The following WDFY2 variants were observed in gnomAD, a reference collection of about 807,000 sequenced individuals.
WDFY2 encodes the protein WD repeat and FYVE domain-containing protein 2.
In WDFY2, 36 loss-of-function variants were observed where a neutral mutation model predicts 56.4. The observed-to-expected ratio is 0.64, with a 90% CI of 0.49 to 0.84. The LOEUF is 0.84. Ranked by LOEUF, WDFY2 falls within the 40% of genes least tolerant of loss-of-function variation. The probability of loss-of-function intolerance (pLI) is 0.00; values close to 1 mark genes in which losing one functional copy is unlikely to be tolerated. For synonymous variants in WDFY2, 176 were observed against 183.7 expected (o/e 0.96, Z 0.34); for missense variants, 444 against 512.2 (o/e 0.87, Z 1.29).
At chr13:51,656,245 T>C (rs1955507716) in intron 1 of WDFY2, among the ~76,000 whole-genome samples, 1 of 151,994 alleles carries the variant, frequency 6.6e-6, no homozygotes, top group African/African-American at 2.4e-5. Context: ...TTTAATGTGT[T>C]GTGCTTTTGT....
chr13:51,629,467 A>G (rs924887099), intron 1 of WDFY2, among the ~76,000 whole-genome samples: 4 of 152,232 alleles, frequency 2.6e-5, no homozygotes, highest in African/African-American at 9.6e-5. Context: ...TCCTCACTAC[A>G]AAATGGTCTA....
intron 4 of WDFY2, among the ~76,000 whole-genome samples, chr13:51,712,517 AGAACTAAACATCTATATTAGAAAAC>A (rs1280721084): frequency 3.9e-5 from 6 of 152,232 alleles, no homozygotes; most frequent in African/African-American, 1.4e-4. Flanking sequence ...AGAAATTTAC[AGAACTAAACATCTATATTAGAAAAC>A]AAGAAGGGAC....
intron 1 of WDFY2, among the ~76,000 whole-genome samples, chr13:51,653,424 G>A (rs1955443954): frequency 6.6e-6 from 1 of 152,176 alleles, no homozygotes; most frequent in African/African-American, 2.4e-5. Flanking sequence ...TCTCCGTCCA[G>A]CTTTATTCCA....
chr13:51,584,604 A>T lies in WDFY2; in HGVS notation c.-84A>T. The T allele has an allele frequency of 6.7e-7, 1 of 1,503,198 alleles. No individual in the cohort carries two copies. The allele number at this position is 1,503,198 out of a possible 1,614,324, so 93.1% of individuals were successfully genotyped here. A position where few individuals can be genotyped will look rare whatever the true frequency, so the allele number is the denominator to read the frequency against. ...CCGGCCAGCCAGAGTCTCTGTCTCA[A>T]CCTGTGTCCGTGCTCCAGCAGTCTC... On this transcript the variant is annotated 5_prime_UTR_variant, in exon 1 of 12. Coordinates refer to ENST00000298125, the MANE Select transcript of WDFY2 (RefSeq NM_052950.4).
At chr13:51,663,625 T>A (rs976983186) in intron 2 of WDFY2, among the ~76,000 whole-genome samples, 2 of 152,204 alleles carry the variant, frequency 1.3e-5, no homozygotes, top group Non-Finnish European at 2.9e-5. Flanking sequence ...AGAGGCAGAA[T>A]CTTATTGCAT....
At chr13:51,652,798 T>G (rs1180272081) in intron 1 of WDFY2, among the ~76,000 whole-genome samples, 1 of 152,240 alleles carries the variant, frequency 6.6e-6, no homozygotes, top group Non-Finnish European at 1.5e-5. Context: ...GGGCTTCCCT[T>G]TGTGAGTAAC....
intron 4 of WDFY2, among the ~76,000 whole-genome samples, chr13:51,716,922 G>T (rs188107088): frequency 3.3e-5 from 5 of 152,214 alleles, no homozygotes; most frequent in African/African-American, 1.2e-4. Flanking sequence ...ACAGGTTAAA[G>T]AAGAAAAATC....
chr13:51,609,742 A>AT lies in WDFY2; in HGVS notation c.137+24920dup, dbSNP rs1176674789. Reference sequence around the variant, plus strand: ...AAGCTATCTGCTTGTTACCTTGAAAATTCAGTGTGAGAGATTGCCTTAATG... The same window carrying AT: ...AAGCTATCTGCTTGTTACCTTGAAAATTTCAGTGTGAGAGATTGCCTTAATG... On this transcript the variant is annotated intron_variant, in intron 1 of 11. Transcript: ENST00000298125. Among the ~76,000 whole-genome samples, 5 of 152,154 alleles carry AT rather than the reference A, an allele frequency of 3.3e-5. No individual in the cohort carries two copies. The East Asian group carries it at 5.8e-4, about 18-fold the overall frequency.
At position 51,701,292 on chromosome 13, in the gene WDFY2, G is replaced by A. The variant is rs576051370; in HGVS notation, c.280-2304G>A. On this transcript the variant is annotated intron_variant, in intron 3 of 11. Coordinates refer to ENST00000298125, the MANE Select transcript of WDFY2 (RefSeq NM_052950.4). ...AATCCCAGCACTTTGGGAACCCGAG[G>A]CAGGCGGATCACGAGGTCAGGAGTT... 3.3e-5 allele frequency among the ~76,000 whole-genome samples: 5 copies of A among 152,128 alleles called. 1 individual carries two copies. In the South Asian group the frequency reaches 8.3e-4, roughly 25 times the overall value.
intron 3 of WDFY2, among the ~76,000 whole-genome samples, chr13:51,677,145 A>G (rs1955902406): frequency 6.6e-6 from 1 of 152,230 alleles, no homozygotes; most frequent in South Asian, 2.1e-4. Context: ...TAGTAAATAA[A>G]ACTGCCAGGG....
chr13:51,658,067 G>C (rs1414054716), intron 1 of WDFY2, among the ~76,000 whole-genome samples: 1 of 151,968 alleles, frequency 6.6e-6, no homozygotes, highest in Non-Finnish European at 1.5e-5. Flanking sequence ...AGAACTGGAC[G>C]TTTTGAATAT....
Position 51,631,045 on chromosome 13 carries a change from A to G in WDFY2, c.138-29551A>G, listed in dbSNP as rs377510937. ...TCCACCCATCTCGGCCTCCCAAAGT[A>G]CTGGGATTACAGGCGTGAGCCACCA... On this transcript the variant is annotated intron_variant, in intron 1 of 11. Coordinates refer to ENST00000298125, the MANE Select transcript of WDFY2 (RefSeq NM_052950.4). 5.0e-3 allele frequency among the ~76,000 whole-genome samples: 753 copies of G among 149,780 alleles called. 5 individuals are homozygous for G. The highest frequency in any genetic ancestry group is 0.014 in the African/African-American group (593 of 41,170).
chr13:51,746,196 G>T (rs188845405), intron 7 of WDFY2, among the ~76,000 whole-genome samples: 1 of 151,946 alleles, frequency 6.6e-6, no homozygotes, highest in South Asian at 2.1e-4. Context: ...TAGCCAGGCT[G>T]GTCTTGAACT....
intron 1 of WDFY2, among the ~76,000 whole-genome samples, chr13:51,651,841 A>T (rs1008230575): frequency 6.6e-5 from 10 of 152,200 alleles, no homozygotes; most frequent in African/African-American, 2.2e-4. Flanking sequence ...GTTTTGGAAT[A>T]GGTGTGGTGT....
intron 6 of WDFY2, among the ~76,000 whole-genome samples, chr13:51,731,409 TTCTTA>T (rs1203535987): frequency 6.6e-6 from 1 of 152,272 alleles, no homozygotes; most frequent in Non-Finnish European, 1.5e-5. Context: ...TGTCTTATCT[TTCTTA>T]AAGAGTTTAA....
intron 1 of WDFY2, among the ~76,000 whole-genome samples, chr13:51,622,749 AG>A (rs1954757835): frequency 6.6e-6 from 1 of 152,052 alleles, no homozygotes; most frequent in South Asian, 2.1e-4. Flanking sequence ...TCAGGGAGGT[AG>A]GTAAGTAAAT....
intron 1 of WDFY2, among the ~76,000 whole-genome samples, chr13:51,655,561 G>A (rs944557345): frequency 6.6e-5 from 10 of 151,870 alleles, no homozygotes; most frequent in African/African-American, 2.4e-4. Flanking sequence ...GTATATAATC[G>A]TTTTAATGTG....
At chr13:51,594,087 T>C (rs1593851064) in intron 1 of WDFY2, 1 of 152,204 alleles carries the variant, frequency 6.6e-6, no homozygotes, top group East Asian at 1.9e-4. Context: ...GGTCACTATA[T>C]TGGTGTCTAA....
intron 7 of WDFY2, among the ~76,000 whole-genome samples, chr13:51,740,922 G>T (rs1376124915): frequency 2.0e-5 from 3 of 152,204 alleles, no homozygotes; most frequent in African/African-American, 7.2e-5. Flanking sequence ...AAGCACTTTT[G>T]CACGATTTCA....
Sources: gnomAD v4.1 joint callset for allele counts (sites outside exome capture counted in the v4.1 genomes callset) on GRCh38, gnomAD v4.1.1 for gene constraint, MANE v1.5 for transcripts, NCBI Gene and HGNC (gene_info 2026-07-23, HGNC 2026-07-21) for gene names.